The following MAL2 variants were observed in gnomAD, a reference collection of about 807,000 sequenced individuals.
MAL2 encodes protein MAL2.
MAL2 carries 17 observed loss-of-function variants against 18.1 expected under a neutral mutation model. The observed-to-expected ratio is 0.94, with a 90% CI of 0.64 to 1.41. The LOEUF (loss-of-function observed/expected upper bound fraction) is 1.41. Among genes scored for constraint, MAL2 ranks in the 40% most tolerant of loss-of-function variants. MAL2 has a pLI of 0.00. For synonymous variants in MAL2, 102 were observed against 102.3 expected (o/e 1.00, Z 0.02); for missense variants, 222 against 231.9 (o/e 0.96, Z 0.28).
chr8:119,228,039 A>C (rs532008699), intron 2 of MAL2, among the ~76,000 whole-genome samples: 1 of 152,128 alleles, frequency 6.6e-6, no homozygotes, highest in South Asian at 2.1e-4. Context: ...ACTTCCAAGA[A>C]GACCTCAAGT....
At chr8:119,230,372 C>G (rs1477625568) in intron 2 of MAL2, among the ~76,000 whole-genome samples, 1 of 151,594 alleles carries the variant, frequency 6.6e-6, no homozygotes, top group African/African-American at 2.4e-5. Context: ...GACAGGAAAG[C>G]CTTGAAACCA....
chr8:119,238,220 A>T (rs1219617297), intron 2 of MAL2, among the ~76,000 whole-genome samples: 2 of 152,238 alleles, frequency 1.3e-5, no homozygotes, highest in Non-Finnish European at 2.9e-5. Context: ...CTAGGAATCC[A>T]ACTTACAAGG....
At chr8:119,243,276 AAAAC>A (rs1225432627) in intron 3 of MAL2, 137 bp from the exon 4 acceptor site, 325 of 565,696 alleles carry the variant, frequency 5.7e-4, no homozygotes, top group Non-Finnish European at 7.9e-4. Context: ...CAAAAAAAAA[AAAAC>A]AATGTAAAAT....
At chr8:119,233,542 A>C (rs1190268615) in intron 2 of MAL2, among the ~76,000 whole-genome samples, 3 of 152,190 alleles carry the variant, frequency 2.0e-5, no homozygotes, top group South Asian at 4.1e-4. Context: ...AGAATACTAC[A>C]AACACCTCTA....
chr8:119,223,336 C>G (rs927082984), intron 2 of MAL2: 1 of 152,188 alleles, frequency 6.6e-6, no homozygotes, highest in South Asian at 2.1e-4. Flanking sequence ...TGCTTAGTAG[C>G]TGTGTAGCCT....
chr8:119,236,694 T>C (rs966698133), intron 2 of MAL2, among the ~76,000 whole-genome samples: 52 of 150,858 alleles, frequency 3.4e-4, no homozygotes, highest in African/African-American at 1.2e-3. Context: ...GAATGACTAC[T>C]GGGTACATAA....
At chr8:119,240,414 C>T in intron 3 of MAL2, 94 bp downstream of exon 3, 4 of 1,290,132 alleles carry the variant, frequency 3.1e-6, no homozygotes, top group South Asian at 1.4e-5. Flanking sequence ...TAGTTTTCTT[C>T]AATGCTAGCC....
At position 119,208,413 on chromosome 8, in the gene MAL2, C is replaced by G. The variant is rs866119770; in HGVS notation, c.-60C>G. ...GGCGGCGGCGGCGGCGGCAGGAGCC[C>G]GGGAGGCGGAGGCGGGAGGCGGCGG... On this transcript the variant is annotated 5_prime_UTR_variant, in exon 1 of 4. Coordinates refer to ENST00000614891, the MANE Select transcript of MAL2 (RefSeq NM_052886.3). This position sits in a 1 kb window ranked among gnomAD's most constrained non-coding sequence, Gnocchi z 4.3. 5,273 of 993,376 alleles carry G rather than the reference C, an allele frequency of 5.3e-3. 169 individuals are homozygous for G. The African/African-American group carries it at 0.077, about 14-fold the overall frequency. 61.5% of individuals were successfully genotyped at this position (993,376 alleles called of 1,614,324 possible).
intron 1 of MAL2, among the ~76,000 whole-genome samples, chr8:119,220,358 A>G (rs1817443265): frequency 6.6e-6 from 1 of 152,320 alleles, no homozygotes; most frequent in Admixed American, 6.5e-5. Flanking sequence ...CTGTTGGTCT[A>G]ACAGTCTCCT....
Position 119,230,945 on chromosome 8 carries a change from A to G in MAL2, c.303+9188A>G, listed in dbSNP as rs143359329. Among the ~76,000 whole-genome samples the G allele has an allele frequency of 2.8e-3, 431 of 152,334 alleles. 1 individual carries two copies. Among genetic ancestry groups the G allele is most frequent in the African/African-American group, 9.8e-3 (406 of 41,580 alleles). On this transcript the variant is annotated intron_variant, in intron 2 of 3. Coordinates refer to ENST00000614891, the MANE Select transcript of MAL2 (RefSeq NM_052886.3). ...TCAGTTTACAAATGAGAGTTATTTA[A>G]TAGAAAGCACACCTTTGTAGTTCTT...
At chr8:119,215,835 G>T (rs1243719976) in intron 1 of MAL2, among the ~76,000 whole-genome samples, 1 of 152,100 alleles carries the variant, frequency 6.6e-6, no homozygotes, top group Non-Finnish European at 1.5e-5. Context: ...CCTTGTAGTG[G>T]TACCAGTGAT....
intron 2 of MAL2, among the ~76,000 whole-genome samples, chr8:119,239,497 G>A (rs1196059747): frequency 3.9e-5 from 6 of 151,976 alleles, no homozygotes; most frequent in African/African-American, 1.2e-4. Context: ...ATTATTCACA[G>A]TAGCAAAGAC....
chr8:119,234,841 A>C lies in MAL2; in HGVS notation c.304-5324A>C, dbSNP rs1452577206. Among the ~76,000 whole-genome samples, 5 of 151,896 alleles carry C rather than the reference A, an allele frequency of 3.3e-5. No individual in the cohort carries two copies. The East Asian group carries it at 9.6e-4, about 29-fold the overall frequency. ...CATCATCAAAGACCAAAAGTAGATAAAACCACAAAGATGGGGAAAAAACAG... is the reference window on the plus strand; with the variant it reads ...CATCATCAAAGACCAAAAGTAGATACAACCACAAAGATGGGGAAAAAACAG... On this transcript the variant is annotated intron_variant, in intron 2 of 3. Transcript: ENST00000614891.
intron 2 of MAL2, among the ~76,000 whole-genome samples, chr8:119,230,730 T>TTC (rs1364321188): frequency 6.6e-6 from 1 of 152,192 alleles, no homozygotes; most frequent in African/African-American, 2.4e-5. Context: ...CAGACAAATT[T>TTC]TCTCTTAATT....
intron 2 of MAL2, among the ~76,000 whole-genome samples, chr8:119,232,540 G>A (rs1202967254): frequency 6.6e-6 from 1 of 152,120 alleles, no homozygotes; most frequent in Admixed American, 6.6e-5. Flanking sequence ...AACATACAAA[G>A]AAGCCTAATA....
At position 119,234,638 on chromosome 8, in the gene MAL2, TG is replaced by T. The variant is rs981664734; in HGVS notation, c.304-5524del. On this transcript the variant is annotated intron_variant, in intron 2 of 3. Coordinates refer to ENST00000614891, the MANE Select transcript of MAL2 (RefSeq NM_052886.3). ...AGACCTGGCAGACTGCCTCCTCAAG[TG>T]GGTCCCTGACCCCTGACCCCGGAAC... is the stretch of plus-strand genomic sequence containing the variant. Among the ~76,000 whole-genome samples the T allele has an allele frequency of 4.2e-4, 64 of 152,028 alleles. 2 individuals are homozygous for T. The highest frequency in any genetic ancestry group is 1.5e-3 in the African/African-American group (63 of 41,294).
intron 1 of MAL2, among the ~76,000 whole-genome samples, chr8:119,209,428 T>A (rs1246668041): frequency 3.3e-5 from 5 of 152,214 alleles, no homozygotes; most frequent in Non-Finnish European, 5.9e-5. Context: ...TTGAACTTTT[T>A]AAATGGAATT....
At chr8:119,233,272 C>G (rs28816373) in intron 2 of MAL2, among the ~76,000 whole-genome samples, 3,475 of 152,090 alleles carry the variant, frequency 0.023, 122 homozygotes, top group African/African-American at 0.077. Flanking sequence ...ACTAGAAAAG[C>G]AAGAGCAAAC....
chr8:119,230,151 T>C (rs1817686770), intron 2 of MAL2, among the ~76,000 whole-genome samples: 1 of 152,212 alleles, frequency 6.6e-6, no homozygotes, highest in Non-Finnish European at 1.5e-5. Flanking sequence ...CACTCTCCAG[T>C]GCAGGTTACT....
Sources: allele counts gnomAD v4.1 joint callset (sites outside exome capture counted in the v4.1 genomes callset), GRCh38; gene constraint gnomAD v4.1.1; non-coding constraint Gnocchi (gnomAD v3.1); transcripts MANE v1.5; gene names NCBI Gene and HGNC (gene_info 2026-07-23, HGNC 2026-07-21).